ZNF23: variants seen among roughly 807,000 people sequenced by gnomAD.
The protein encoded by ZNF23 is zinc finger protein 23, also known as kruppel-like zinc finger factor X31.
Under a neutral mutation model 56.2 loss-of-function variants are expected in ZNF23, and 48 were observed. That is an observed-to-expected ratio of 0.85 (90% CI 0.68 to 1.09). The LOEUF (loss-of-function observed/expected upper bound fraction) is 1.09. Ranked by LOEUF, ZNF23 falls within the 50% of genes least tolerant of loss-of-function variation. ZNF23 has a pLI of 0.00. For missense variants in ZNF23, 805 were observed against 811.4 expected, an observed-to-expected ratio of 0.99 and a Z score of 0.10; for synonymous variants, 266 against 283.3, an observed-to-expected ratio of 0.94 and a Z score of 0.61.
intron 1 of ZNF23, among the ~76,000 whole-genome samples, chr16:71,459,327 T>C (rs2043355060): frequency 6.6e-6 from 1 of 152,326 alleles, no homozygotes; most frequent in African/African-American, 2.4e-5. Context: ...GCCTTAAGAC[T>C]CCAAGGCTCC....
At chr16:71,455,974 T>G (rs1347005840) in intron 2 of ZNF23, 2 of 455,800 alleles carry the variant, frequency 4.4e-6, no homozygotes, top group East Asian at 1.4e-4. Context: ...CAGAGGCGGT[T>G]GTCAGGACCA....
At position 71,448,223 on chromosome 16, in the gene ZNF23, G is replaced by C. The variant is rs775645908; in HGVS notation, c.1931C>G (p.Ser644Cys). The C allele has an allele frequency of 1.2e-6, 2 of 1,614,248 alleles. No homozygotes were observed. Among genetic ancestry groups the C allele is most frequent in the Admixed American group, 3.3e-5 (2 of 60,030 alleles). ...GACTGTCTGATGTATAATGTAGTCA[G>C]AACTAAAGCTGAAGCCTTTGCCACA... ...VECGKGFSFS[S>C]DYIIHQTVHT... Residue 644 changes from serine to cysteine, a missense_variant, in exon 5 of 5, where the codon TCT (serine) becomes TGT (cysteine). Physicochemically the swap from Ser to Cys is moderately radical, Grantham distance 112 (BLOSUM62 -1). Coordinates refer to ENST00000647773, the MANE Select transcript of ZNF23 (RefSeq NM_001381984.1).
rs749463786 is a variant in ZNF23, at chr16:71,448,926, T to C, written c.1228A>G (p.Lys410Glu). The change falls in exon 5 of 5, where the codon AAA (lysine) becomes GAA (glutamate). Residue 410 changes from lysine to glutamate, a missense_variant. Transcript: ENST00000647773. Reference sequence around the variant, plus strand: ...TTATTGAAGCCTTTTCCACACTCTTTACACTGATAGGGCTTTTCTCCTGTG... The same window carrying C: ...TTATTGAAGCCTTTTCCACACTCTTCACACTGATAGGGCTTTTCTCCTGTG... ...IHTGEKPYQC[K>E]ECGKGFNNNT... 1.2e-6 allele frequency: 2 copies of C among 1,614,264 alleles called. No individual in the cohort carries two copies. The highest frequency in any genetic ancestry group is 2.2e-5 in the South Asian group (2 of 91,088).
At chr16:71,456,689 C>G (rs939363686) in intron 2 of ZNF23, 75 bp downstream of exon 2, 53 of 986,078 alleles carry the variant, frequency 5.4e-5, no homozygotes, top group Non-Finnish European at 6.0e-5. Flanking sequence ...CATCCCGAGG[C>G]TCACCAGCTC....
At position 71,447,786 on chromosome 16, in the gene ZNF23, T is replaced by G. The variant is rs1472767106; in HGVS notation, c.*307A>C. Reference sequence around the variant, plus strand: ...TTGTAAAGTGGCCCTCAGTGAAGACTTAAATTTCTCCATACAAGTCCTCCA... The same window carrying G: ...TTGTAAAGTGGCCCTCAGTGAAGACGTAAATTTCTCCATACAAGTCCTCCA... On this transcript the variant is annotated 3_prime_UTR_variant, in exon 5 of 5. Coordinates refer to ENST00000647773, the MANE Select transcript of ZNF23 (RefSeq NM_001381984.1). 1.5e-5 allele frequency: 3 copies of G among 199,142 alleles called. No homozygotes were observed. Among genetic ancestry groups the G allele is most frequent in the African/African-American group, 4.6e-5 (2 of 43,344 alleles). The allele number at this position is 199,142 out of a possible 1,614,324, so 12.3% of individuals were successfully genotyped here.
chr16:71,460,740 C>T (rs2043414417), intron 1 of ZNF23, among the ~76,000 whole-genome samples: 1 of 152,146 alleles, frequency 6.6e-6, no homozygotes, highest in Admixed American at 6.5e-5. Context: ...GAAAGATAAA[C>T]ACACTGTCCA....
rs144374322 is a variant in ZNF23 at position 71,448,324 on chromosome 16, T to G, written c.1830A>C (p.Lys610Asn). Residue 610 changes from lysine to asparagine, a missense_variant, in exon 5 of 5, where the codon AAA (lysine) becomes AAC (asparagine). Lys to Asn is a moderately conservative substitution (Grantham distance 94). Coordinates refer to ENST00000647773, the MANE Select transcript of ZNF23 (RefSeq NM_001381984.1). ...TTAAATGGGCATTAACATGGAAGGCTTTTCCACACTCCTTACACTGAAAGG... is the reference window on the plus strand; with the variant it reads ...TTAAATGGGCATTAACATGGAAGGCGTTTCCACACTCCTTACACTGAAAGG... ...EKPFQCKECG[K>N]AFHVNAHLIR... 697 of 1,613,378 alleles carry G rather than the reference T, an allele frequency of 4.3e-4. No homozygotes were observed. The African/African-American group carries it at 8.1e-3, about 19-fold the overall frequency.
chr16:71,455,426 G>A (rs959761223), intron 2 of ZNF23, among the ~76,000 whole-genome samples: 3 of 151,904 alleles, frequency 2.0e-5, no homozygotes, highest in Non-Finnish European at 2.9e-5. Context: ...GCATGACCTC[G>A]GCTCACTGCA....
chr16:71,455,728 T>C (rs1265171694), intron 2 of ZNF23, among the ~76,000 whole-genome samples: 1 of 152,194 alleles, frequency 6.6e-6, no homozygotes, highest in East Asian at 1.9e-4. Context: ...ATGAAGCCCA[T>C]GTCACGGGAC....
intron 2 of ZNF23, among the ~76,000 whole-genome samples, chr16:71,455,905 C>T (rs2043214046): frequency 6.6e-6 from 1 of 152,212 alleles, no homozygotes; most frequent in Admixed American, 6.5e-5. Flanking sequence ...GGGCAAGTTA[C>T]TCTACTCCCC....
intron 1 of ZNF23, among the ~76,000 whole-genome samples, chr16:71,458,177 A>T (rs1186193785): frequency 6.6e-6 from 1 of 152,236 alleles, no homozygotes; most frequent in Non-Finnish European, 1.5e-5. Context: ...CTTCTGCGTC[A>T]GCTCCTGAGA....
chr16:71,450,562 A>G (rs72795867), intron 4 of ZNF23: 37,708 of 327,520 alleles, frequency 0.12, 2,589 homozygotes, highest in Non-Finnish European at 0.15. Flanking sequence ...CTACTAAACC[A>G]CAAAAAATTA....
At chr16:71,459,650 T>C (rs185484495) in intron 1 of ZNF23, among the ~76,000 whole-genome samples, 2 of 152,132 alleles carry the variant, frequency 1.3e-5, no homozygotes, top group Admixed American at 6.5e-5. Context: ...ATTCCAGAGG[T>C]TTTTATATTT....
intron 1 of ZNF23, among the ~76,000 whole-genome samples, chr16:71,457,120 AAAG>A (rs939579684): frequency 1.8e-4 from 27 of 152,314 alleles, no homozygotes; most frequent in East Asian, 1.9e-4. Context: ...TTAAAAATAA[AAAG>A]AAGAAGAAGA....
At chr16:71,453,566 G>T in intron 3 of ZNF23, 1 of 528,906 alleles carries the variant, frequency 1.9e-6, no homozygotes, top group Non-Finnish European at 3.4e-6. Context: ...GTGGGGGTTG[G>T]GGGTGAAGGC....
intron 1 of ZNF23, among the ~76,000 whole-genome samples, chr16:71,457,795 T>C (rs1007179445): frequency 3.3e-5 from 5 of 152,186 alleles, no homozygotes; most frequent in African/African-American, 1.2e-4. Flanking sequence ...GAGTCATGTA[T>C]CCACAATTCA....
Position 71,456,775 on chromosome 16 carries a change from C to G in ZNF23, c.22G>C (p.Ala8Pro), listed in dbSNP as rs930430284. 1.0e-6 allele frequency: 1 copy of G among 986,038 alleles called. No individual in the cohort carries two copies. Among genetic ancestry groups the G allele is most frequent in the Non-Finnish European group, 1.2e-6 (1 of 830,078 alleles). The allele number at this position is 986,038 out of a possible 1,614,324, so 61.1% of individuals were successfully genotyped here. Reference protein sequence around the residue: MAAMHLTAWPQKSVTFED... With the variant: MAAMHLTPWPQKSVTFED... Reference sequence around the variant, plus strand: ...ACCCCACAGCTCACCTGGGGCCAGGCTGTCAGGTGCATGGCTGCCATCCCC... The same window carrying G: ...ACCCCACAGCTCACCTGGGGCCAGGGTGTCAGGTGCATGGCTGCCATCCCC... Residue 8 changes from alanine to proline, a missense_variant, in exon 2 of 5, where the codon GCC becomes CCC. Coordinates refer to ENST00000647773, the MANE Select transcript of ZNF23 (RefSeq NM_001381984.1).
At chr16:71,458,855 T>A (rs1480330953) in intron 1 of ZNF23, among the ~76,000 whole-genome samples, 1 of 152,242 alleles carries the variant, frequency 6.6e-6, no homozygotes. Flanking sequence ...GTCTATGGTA[T>A]TTTGTTATGG....
chr16:71,461,478 C>A (rs942141806), intron 1 of ZNF23, among the ~76,000 whole-genome samples: 4 of 152,068 alleles, frequency 2.6e-5, no homozygotes, highest in African/African-American at 9.7e-5. Context: ...AGAGTAAAGA[C>A]AAAAAGACCT....
Sources: allele counts gnomAD v4.1 joint callset (sites outside exome capture counted in the v4.1 genomes callset), GRCh38; gene constraint gnomAD v4.1.1; transcripts MANE v1.5; gene names NCBI Gene and HGNC (gene_info 2026-07-23, HGNC 2026-07-21).